EYA1: variants seen among roughly 807,000 people sequenced by gnomAD.
EYA1 encodes the protein EYA transcriptional coactivator and phosphatase 1.
Under a neutral mutation model 82.0 loss-of-function variants are expected in EYA1, and 16 were observed. The ratio of observed to expected loss-of-function variants is 0.20; its 90% CI spans 0.13 to 0.30. The LOEUF (loss-of-function observed/expected upper bound fraction) is 0.30. Among genes scored for constraint, EYA1 ranks in the 10% least tolerant of loss-of-function variants. The probability of loss-of-function intolerance (pLI) is 1.00; values close to 1 mark genes in which losing one functional copy is unlikely to be tolerated. For synonymous variants in EYA1, 261 were observed against 264.4 expected (o/e 0.99, Z 0.12); for missense variants, 633 against 730.7 (o/e 0.87, Z 1.54).
At chr8:71,360,315 T>C (rs902545166) in intron 1 of EYA1, among the ~76,000 whole-genome samples, 1 of 152,246 alleles carries the variant, frequency 6.6e-6, no homozygotes, top group Non-Finnish European at 1.5e-5. Flanking sequence ...GAAATACTTT[T>C]GATATTTGAT....
chr8:71,494,527 A>C (rs1451275629), intron 2 of EYA1, among the ~76,000 whole-genome samples: 2 of 152,184 alleles, frequency 1.3e-5, no homozygotes, highest in Non-Finnish European at 2.9e-5. Context: ...TCTAGCAAAA[A>C]TCAGTATTCT....
chr8:71,267,642 A>G (rs1407731365), intron 11 of EYA1, among the ~76,000 whole-genome samples: 3 of 152,142 alleles, frequency 2.0e-5, no homozygotes, highest in Non-Finnish European at 2.9e-5. Context: ...TCCGCCTCCC[A>G]GGTTCACGCC....
intron 6 of EYA1, among the ~76,000 whole-genome samples, chr8:71,319,321 G>A (rs1282972918): frequency 2.6e-5 from 4 of 151,922 alleles, no homozygotes; most frequent in Non-Finnish European, 4.4e-5. Context: ...TAGTAGAGAC[G>A]GCGTTTCACC....
At chr8:71,242,438 T>C (rs1024883836) in intron 12 of EYA1, among the ~76,000 whole-genome samples, 9 of 152,198 alleles carry the variant, frequency 5.9e-5, no homozygotes, top group African/African-American at 2.2e-4. Context: ...CATTCTCTTT[T>C]CTACTTTACC....
chr8:71,259,541 A>C (rs983139156), intron 11 of EYA1, among the ~76,000 whole-genome samples: 1 of 152,240 alleles, frequency 6.6e-6, no homozygotes, highest in African/African-American at 2.4e-5. Context: ...GATCAGAAAG[A>C]GGCAAGAAAA....
intron 2 of EYA1, among the ~76,000 whole-genome samples, chr8:71,373,409 C>A (rs1374951143): frequency 4.6e-5 from 7 of 151,884 alleles, no homozygotes; most frequent in Admixed American, 3.3e-4. Flanking sequence ...GAATGAAATG[C>A]TTAGAAACAA....
chr8:71,217,675 G>A (rs758653438), intron 12 of EYA1, among the ~76,000 whole-genome samples: 2 of 151,644 alleles, frequency 1.3e-5, no homozygotes, highest in Non-Finnish European at 1.5e-5. Flanking sequence ...GTGCTTGTTT[G>A]CTGTTTAGTT....
At chr8:71,449,776 C>T (rs991978055) in intron 2 of EYA1, among the ~76,000 whole-genome samples, 1 of 152,194 alleles carries the variant, frequency 6.6e-6, no homozygotes, top group Non-Finnish European at 1.5e-5. Flanking sequence ...TCTTCTTCCA[C>T]AGGAAGACTT....
intron 12 of EYA1, among the ~76,000 whole-genome samples, chr8:71,227,166 T>C (rs2128875114): frequency 6.6e-6 from 1 of 152,300 alleles, no homozygotes; most frequent in Non-Finnish European, 1.5e-5. Context: ...AGCACACATC[T>C]AATATAAATA....
chr8:71,273,932 A>G (rs1465893776), intron 9 of EYA1, among the ~76,000 whole-genome samples: 2 of 152,168 alleles, frequency 1.3e-5, no homozygotes, highest in African/African-American at 4.8e-5. Context: ...GTTAGCCTAG[A>G]TTTCCTCCTA....
At chr8:71,489,691 C>T (rs901584597) in intron 2 of EYA1, among the ~76,000 whole-genome samples, 12 of 152,230 alleles carry the variant, frequency 7.9e-5, no homozygotes, top group African/African-American at 2.9e-4. Context: ...AGAACATGAA[C>T]ACATTTTTAA....
chr8:71,366,471 G>A (rs1827762914), upstream of EYA1, among the ~76,000 whole-genome samples: 2 of 152,266 alleles, frequency 1.3e-5, no homozygotes, highest in African/African-American at 4.8e-5. Context: ...AACCCAGGTT[G>A]TTTCTTCGCC....
At chr8:71,493,052 A>C (rs1811138951) in intron 2 of EYA1, among the ~76,000 whole-genome samples, 1 of 152,214 alleles carries the variant, frequency 6.6e-6, no homozygotes, top group African/African-American at 2.4e-5. Context: ...ACTAAGGATA[A>C]TGGCCTCCAG....
chr8:71,500,301 C>T (rs1253144157), intron 2 of EYA1, among the ~76,000 whole-genome samples: 2 of 152,154 alleles, frequency 1.3e-5, no homozygotes, highest in Non-Finnish European at 2.9e-5. Context: ...GACTGACCTC[C>T]AAGTATGAGG....
intron 2 of EYA1, among the ~76,000 whole-genome samples, chr8:71,417,071 T>C (rs1310757739): frequency 6.6e-6 from 1 of 152,162 alleles, no homozygotes; most frequent in Non-Finnish European, 1.5e-5. Context: ...CCTACATCTT[T>C]CTCCTGTGCT....
chr8:71,263,640 T>A (rs1254631980), intron 11 of EYA1, among the ~76,000 whole-genome samples: 2 of 152,182 alleles, frequency 1.3e-5, no homozygotes, highest in African/African-American at 4.8e-5. Flanking sequence ...AATGAACCAG[T>A]GCAAAGCTCA....
chr8:71,453,381 C>A (rs911293534), intron 2 of EYA1, among the ~76,000 whole-genome samples: 10 of 152,172 alleles, frequency 6.6e-5, no homozygotes, highest in Non-Finnish European at 1.5e-5. Context: ...CCCAGCCTAG[C>A]AAGGCAGGCC....
chr8:71,468,526 A>G (rs1228124271), intron 2 of EYA1, among the ~76,000 whole-genome samples: 2 of 152,212 alleles, frequency 1.3e-5, no homozygotes, highest in Non-Finnish European at 2.9e-5. Context: ...AAAACATTAC[A>G]AACATGCATT....
At chr8:71,314,805 T>C (rs1821728829) in intron 7 of EYA1, among the ~76,000 whole-genome samples, 1 of 152,176 alleles carries the variant, frequency 6.6e-6, no homozygotes, top group African/African-American at 2.4e-5. Context: ...AGAAAGGCCA[T>C]TCAACTAAGG....
Sources: allele counts gnomAD v4.1 joint callset (sites outside exome capture counted in the v4.1 genomes callset), GRCh38; gene constraint gnomAD v4.1.1; transcripts MANE v1.5; gene names NCBI Gene and HGNC (gene_info 2026-07-23, HGNC 2026-07-21).